CDC42BPA: variants seen among roughly 807,000 people sequenced by gnomAD.
CDC42BPA encodes the protein CDC42 binding protein kinase alpha.
A neutral mutation model predicts 223.5 loss-of-function variants in CDC42BPA; 80 were observed. The observed-to-expected ratio is 0.36, with a 90% CI of 0.30 to 0.43. CDC42BPA has a LOEUF of 0.43. CDC42BPA is among the 20% of genes least tolerant of loss of function. The probability of loss-of-function intolerance (pLI) is 1.00; values close to 1 mark genes in which losing one functional copy is unlikely to be tolerated. For missense variants in CDC42BPA, 1,743 were observed against 2,099.9 expected, an observed-to-expected ratio of 0.83 and a Z score of 3.32; for synonymous variants, 694 against 718.6, an observed-to-expected ratio of 0.97 and a Z score of 0.55.
At chr1:227,278,690 T>C (rs1171284066) in intron 1 of CDC42BPA, among the ~76,000 whole-genome samples, 1 of 152,142 alleles carries the variant, frequency 6.6e-6, no homozygotes, top group African/African-American at 2.4e-5. Flanking sequence ...AGGTCATGAG[T>C]TCTTAAAAAG....
intron 15 of CDC42BPA, among the ~76,000 whole-genome samples, chr1:227,100,629 G>A (rs114967166): frequency 0.054 from 8,173 of 151,702 alleles, 247 homozygotes; most frequent in Non-Finnish European, 0.072. Context: ...TAGAGATAGG[G>A]TTTTACTATG....
At chr1:227,289,757 T>TATGTTTC (rs948233361) in intron 1 of CDC42BPA, among the ~76,000 whole-genome samples, 4 of 152,126 alleles carry the variant, frequency 2.6e-5, no homozygotes, top group Non-Finnish European at 5.9e-5. Flanking sequence ...TAAGGGTACT[T>TATGTTTC]ATGTTTCGGC....
intron 1 of CDC42BPA, among the ~76,000 whole-genome samples, chr1:227,256,416 C>T (rs1224656128): frequency 1.3e-5 from 2 of 152,052 alleles, no homozygotes; most frequent in African/African-American, 4.8e-5. Context: ...AGCAAACCAC[C>T]ATGGCACATG....
intron 16 of CDC42BPA, among the ~76,000 whole-genome samples, chr1:227,082,301 C>A (rs1013557792): frequency 2.0e-5 from 3 of 152,142 alleles, no homozygotes; most frequent in Non-Finnish European, 4.4e-5. Flanking sequence ...CCCGCTGTGG[C>A]CTCCCAAATT....
intron 11 of CDC42BPA, among the ~76,000 whole-genome samples, chr1:227,124,611 A>G (rs1228771185): frequency 6.6e-6 from 1 of 152,220 alleles, no homozygotes; most frequent in Non-Finnish European, 1.5e-5. Context: ...CAGTATGTGA[A>G]GGAAGTGGAG....
chr1:227,208,174 G>A lies in CDC42BPA; in HGVS notation c.354+4962C>T, dbSNP rs577362619. On this transcript the variant is annotated intron_variant, in intron 3 of 36. Transcript: ENST00000366766. ...CTGCATAAATGTCTTCTTTTGAGAA[G>A]TGTCTGTTCATGTCCTTCACCCACT... Among the ~76,000 whole-genome samples, 28 of 149,150 alleles carry A rather than the reference G, an allele frequency of 1.9e-4. No individual in the cohort carries two copies. In the South Asian group the frequency reaches 4.9e-3, roughly 26 times the overall value.
chr1:227,156,121 T>C (rs113606458), intron 6 of CDC42BPA, among the ~76,000 whole-genome samples: 1 of 16,112 alleles, frequency 6.2e-5, no homozygotes, highest in East Asian at 1.5e-3. Context: ...TTCATTATAG[T>C]TTTTTTTTTG....
intron 15 of CDC42BPA, among the ~76,000 whole-genome samples, chr1:227,095,204 A>G (rs916821595): frequency 1.3e-5 from 2 of 152,222 alleles, no homozygotes; most frequent in Non-Finnish European, 2.9e-5. Flanking sequence ...ATACTTAATA[A>G]CATCTATTTG....
rs372428331 is a variant in CDC42BPA at position 227,294,271 on chromosome 1, CA to C, written c.178+22733del. On this transcript the variant is annotated intron_variant, in intron 1 of 36. Coordinates refer to ENST00000366766, the MANE Select transcript of CDC42BPA (RefSeq NM_001394014.1). Reference sequence around the variant, plus strand: ...TGGGCGACTGAGCTAGACTTCATCTCAAAAAAAAAAAAATTTAGTATCTAAT... The same window carrying C: ...TGGGCGACTGAGCTAGACTTCATCTCAAAAAAAAAAAATTTAGTATCTAAT... Among the ~76,000 whole-genome samples the C allele has an allele frequency of 9.8e-4, 135 of 137,738 alleles. No individual in the cohort carries two copies. In the East Asian group the frequency reaches 0.01, roughly 10 times the overall value. 90.4% of individuals were successfully genotyped at this position (137,738 alleles called of 152,430 possible).
chr1:227,149,461 AAACTGTCTATTATGAGT>A (rs1169938707), intron 6 of CDC42BPA, among the ~76,000 whole-genome samples: 1 of 152,182 alleles, frequency 6.6e-6, no homozygotes, highest in African/African-American at 2.4e-5. Flanking sequence ...CCAAATGAGT[AAACTGTCTATTATGAGT>A]AACTCAGAAA....
chr1:227,085,955 C>T (rs924179718), intron 16 of CDC42BPA, among the ~76,000 whole-genome samples: 1 of 152,208 alleles, frequency 6.6e-6, no homozygotes, highest in African/African-American at 2.4e-5. Context: ...ACTTCTAATA[C>T]TCAAGAAATA....
intron 5 of CDC42BPA, among the ~76,000 whole-genome samples, chr1:227,174,889 G>A (rs1572142896): frequency 6.6e-6 from 1 of 152,130 alleles, no homozygotes; most frequent in Admixed American, 6.5e-5. Flanking sequence ...CTTGCCCTCA[G>A]GGAGAGATTC....
chr1:227,174,313 T>G (rs1666594680), intron 5 of CDC42BPA, among the ~76,000 whole-genome samples: 3 of 152,180 alleles, frequency 2.0e-5, no homozygotes, highest in Non-Finnish European at 4.4e-5. Context: ...CTGAGAGAAT[T>G]TTGAGTAAGC....
At chr1:227,105,386 G>T (rs1685744423) in intron 14 of CDC42BPA, among the ~76,000 whole-genome samples, 1 of 136,248 alleles carries the variant, frequency 7.3e-6, no homozygotes. Flanking sequence ...TTTTGAGACA[G>T]GGTCTCACTC....
intron 2 of CDC42BPA, among the ~76,000 whole-genome samples, chr1:227,235,873 G>A (rs142379307): frequency 0.018 from 2,705 of 152,228 alleles, 37 homozygotes; most frequent in Non-Finnish European, 0.026. Context: ...CTAACAAGGA[G>A]GATTTAAATT....
intron 23 of CDC42BPA, 70 bp from the exon 24 acceptor site, chr1:227,040,306 C>T (rs1671116019): frequency 1.2e-6 from 1 of 842,738 alleles, no homozygotes; most frequent in Non-Finnish European, 2.0e-6. Context: ...TCCTTATGCC[C>T]CATACCACTT....
At chr1:227,019,133 C>T (rs1666886040) in intron 32 of CDC42BPA, among the ~76,000 whole-genome samples, 1 of 152,212 alleles carries the variant, frequency 6.6e-6, no homozygotes, top group Non-Finnish European at 1.5e-5. Flanking sequence ...AGTGAATCCT[C>T]TCAAACCCTG....
chr1:227,306,917 C>G lies in CDC42BPA; in HGVS notation c.178+10088G>C, dbSNP rs16847606. ...AACTTGGGGCATTGCATTAGCCACT[C>G]TAAGTAAACGATGATACTTAAGGAT... On this transcript the variant is annotated intron_variant, in intron 1 of 36. Transcript: ENST00000366766. Among the ~76,000 whole-genome samples the G allele has an allele frequency of 2.2e-3, 333 of 152,282 alleles. 9 individuals are homozygous for G. In the East Asian group the frequency reaches 0.046, roughly 21 times the overall value.
At chr1:227,185,986 G>A (rs1356092203) in intron 5 of CDC42BPA, among the ~76,000 whole-genome samples, 2 of 152,166 alleles carry the variant, frequency 1.3e-5, no homozygotes, top group African/African-American at 2.4e-5. Flanking sequence ...AGAGAAGTAA[G>A]GTCACAGGGC....
Sources: allele counts gnomAD v4.1 joint callset (sites outside exome capture counted in the v4.1 genomes callset), GRCh38; gene constraint gnomAD v4.1.1; transcripts MANE v1.5; gene names NCBI Gene and HGNC (gene_info 2026-07-23, HGNC 2026-07-21).